SCAF11: variants seen among roughly 807,000 people sequenced by gnomAD.
The protein encoded by SCAF11 is protein SCAF11.
SCAF11 carries 47 observed loss-of-function variants against 140.5 expected under a neutral mutation model. That is an observed-to-expected ratio of 0.33 (90% CI 0.26 to 0.43). SCAF11 has a LOEUF of 0.43. Ranked by LOEUF, SCAF11 falls within the 20% of genes least tolerant of loss-of-function variation. The pLI, the probability that SCAF11 is intolerant of heterozygous loss-of-function variation, is 1.00. For missense variants in SCAF11, 1,645 were observed against 1,705.1 expected (o/e 0.96, Z 0.62); for synonymous variants, 557 against 579.4 (o/e 0.96, Z 0.55).
Position 45,926,645 on chromosome 12 carries a change from T to C in SCAF11, c.3056A>G (p.Asp1019Gly), listed in dbSNP as rs1295221957. ...DPNSADKHRNDCPNWITEKIN... is the reference protein window; with the variant it reads ...DPNSADKHRNGCPNWITEKIN... ...TTTTTCTGTTATCCAATTGGGACAG[T>C]CATTTCTATGTTTGTCAGCAGAATT... Residue 1019 changes from aspartate to glycine, a missense_variant, in exon 11 of 15, where the codon GAC becomes GGC. Coordinates refer to ENST00000369367, the MANE Select transcript of SCAF11 (RefSeq NM_004719.3). 6.2e-7 allele frequency: 1 copy of C among 1,613,860 alleles called. No individual in the cohort carries two copies. Among genetic ancestry groups the C allele is most frequent in the African/African-American group, 1.3e-5 (1 of 74,922 alleles).
At position 45,927,671 on chromosome 12, in the gene SCAF11, A is replaced by G; in HGVS notation, c.2030T>C (p.Leu677Ser). 1 of 1,612,108 alleles carries G rather than the reference A, an allele frequency of 6.2e-7. No individual in the cohort carries two copies. The highest frequency in any genetic ancestry group is 8.5e-7 in the Non-Finnish European group (1 of 1,179,922). The change falls in exon 11 of 15, where the codon TTG becomes TCG. Residue 677 changes from leucine (L) to serine (S), a missense_variant. Coordinates refer to ENST00000369367, the MANE Select transcript of SCAF11 (RefSeq NM_004719.3). The part of the protein sequence containing the change: ...LLKNNLLNTK[L>S]EKSLEEKNES... ...ATTCTTTTCTTCTAAAGATTTTTCCAATTTGGTGTTCAGAAGATTATTTTT... is the reference window on the plus strand; with the variant it reads ...ATTCTTTTCTTCTAAAGATTTTTCCGATTTGGTGTTCAGAAGATTATTTTT...
chr12:45,985,606 T>C (rs1379848586), intron 1 of SCAF11, among the ~76,000 whole-genome samples: 1 of 152,194 alleles, frequency 6.6e-6, no homozygotes, highest in Non-Finnish European at 1.5e-5. Flanking sequence ...TTCTGTAAAA[T>C]GGACTAACAC....
intron 2 of SCAF11, among the ~76,000 whole-genome samples, chr12:45,962,684 T>C (rs1050318153): frequency 2.0e-4 from 30 of 152,318 alleles, no homozygotes; most frequent in Admixed American, 2.0e-3. Flanking sequence ...TGGGCACAAC[T>C]GTCCAAACCA....
At chr12:45,972,883 T>TATATAG (rs1946115423) in intron 1 of SCAF11, among the ~76,000 whole-genome samples, 14 of 42,816 alleles carry the variant, frequency 3.3e-4, no homozygotes, top group African/African-American at 1.7e-3. Context: ...TATATATAGA[T>TATATAG]ATATATATAG....
At chr12:45,955,166 T>A (rs548617122) in intron 3 of SCAF11, 7 of 152,098 alleles carry the variant, frequency 4.6e-5, no homozygotes, top group Admixed American at 4.6e-4. Context: ...TCAGCCATCA[T>A]AATTTTTTTT....
intron 3 of SCAF11, among the ~76,000 whole-genome samples, chr12:45,954,099 C>T (rs922065448): frequency 3.3e-5 from 5 of 152,196 alleles, no homozygotes; most frequent in Non-Finnish European, 5.9e-5. Context: ...AAGAAAGTCA[C>T]GTGTTCAAGA....
At chr12:45,965,612 C>A (rs1945926887) in intron 1 of SCAF11, among the ~76,000 whole-genome samples, 2 of 152,178 alleles carry the variant, frequency 1.3e-5, no homozygotes, top group Admixed American at 6.5e-5. Flanking sequence ...CTGCACCTGG[C>A]CTTAAATCAA....
In SCAF11 at chr12:45,927,282, T is replaced by A; in HGVS notation, c.2419A>T (p.Thr807Ser). Reference sequence around the variant, plus strand: ...TGGGGCCGCTTCTTTTCTTGTGGAGTGTCTTTGTTGGGTGACCAAGTTGTA... The same window carrying A: ...TGGGGCCGCTTCTTTTCTTGTGGAGAGTCTTTGTTGGGTGACCAAGTTGTA... ...PSTTWSPNKD[T>S]PQEKKRPQSP... Residue 807 changes from threonine (T) to serine (S), a missense_variant, in exon 11 of 15, where the codon ACT becomes TCT. Around this residue, in one of 2 missense-constraint regions of SCAF11, gnomAD observed 1,582 missense variants for 1,609.2 expected, o/e 0.98. Transcript: ENST00000369367. The A allele has an allele frequency of 6.2e-7, 1 of 1,613,798 alleles. No individual in the cohort carries two copies.
chr12:45,946,372 C>T (rs1052984179), intron 5 of SCAF11, among the ~76,000 whole-genome samples: 3 of 152,148 alleles, frequency 2.0e-5, no homozygotes, highest in Admixed American at 2.0e-4. Flanking sequence ...ACATCCAAGA[C>T]TCCAAAAAAG....
At chr12:45,967,938 T>C (rs913119897) in intron 1 of SCAF11, among the ~76,000 whole-genome samples, 1 of 152,238 alleles carries the variant, frequency 6.6e-6, no homozygotes. Flanking sequence ...AAAGCTTTGC[T>C]TTGAATATCC....
At chr12:45,965,130 T>G (rs756156338) in intron 1 of SCAF11, among the ~76,000 whole-genome samples, 1 of 152,170 alleles carries the variant, frequency 6.6e-6, no homozygotes, top group Non-Finnish European at 1.5e-5. Context: ...AACCTTAGAT[T>G]CAATCTTACA....
rs1337375057 is a variant in SCAF11, at chr12:45,926,364, C to G, written c.3337G>C (p.Glu1113Gln). 1.2e-6 allele frequency: 2 copies of G among 1,614,048 alleles called. No homozygotes were observed. The highest frequency in any genetic ancestry group is 3.3e-5 in the Admixed American group (2 of 59,992). The change falls in exon 11 of 15, where the codon GAA becomes CAA. Residue 1113 changes from glutamate (E) to glutamine (Q), a missense_variant. Physicochemically the swap from Glu to Gln is conservative, Grantham distance 29. Around this residue, in one of 2 missense-constraint regions of SCAF11, gnomAD observed 1,582 missense variants for 1,609.2 expected, o/e 0.98. Coordinates refer to ENST00000369367, the MANE Select transcript of SCAF11 (RefSeq NM_004719.3). ...LSGNSNSSGS[E>Q]SFKFVEQQSY... ...TGCTGTTCCACAAACTTGAAAGATTCACTCCCTGAACTGTTTGAATTCCCT... is the reference window on the plus strand; with the variant it reads ...TGCTGTTCCACAAACTTGAAAGATTGACTCCCTGAACTGTTTGAATTCCCT...
intron 1 of SCAF11, among the ~76,000 whole-genome samples, chr12:45,976,175 A>C (rs1467089606): frequency 2.6e-5 from 4 of 152,124 alleles, no homozygotes; most frequent in Non-Finnish European, 5.9e-5. Context: ...TGGTGGTAAG[A>C]CCTCTATTTC....
chr12:45,990,453 T>C lies in SCAF11; in HGVS notation c.-122A>G. On this transcript the variant is annotated 5_prime_UTR_variant, in exon 1 of 15. Coordinates refer to ENST00000369367, the MANE Select transcript of SCAF11 (RefSeq NM_004719.3). ...AAGTTCCCCAACATGGACTCCTTCG[T>C]CCGCTTTGTGGTGTTACAGGGTCTC... 5 of 1,231,496 alleles carry C rather than the reference T, an allele frequency of 4.1e-6. No homozygotes were observed. Among genetic ancestry groups the C allele is most frequent in the Non-Finnish European group, 5.1e-6 (5 of 988,032 alleles). The allele number at this position is 1,231,496 out of a possible 1,614,324, so 76.3% of individuals were successfully genotyped here.
intron 3 of SCAF11, chr12:45,954,845 CAA>C (rs961910595): frequency 2.6e-5 from 4 of 151,230 alleles, no homozygotes; most frequent in African/African-American, 9.7e-5. Flanking sequence ...CTCAGCCTCC[CAA>C]AGTGTTGGGA....
chr12:45,988,238 T>TA (rs1214796270), intron 1 of SCAF11, among the ~76,000 whole-genome samples: 1 of 152,328 alleles, frequency 6.6e-6, no homozygotes, highest in East Asian at 1.9e-4. Flanking sequence ...AAAGGGAAGT[T>TA]ACAATGAAAA....
chr12:45,952,940 T>G (rs1317931705), intron 3 of SCAF11, among the ~76,000 whole-genome samples: 4 of 152,228 alleles, frequency 2.6e-5, no homozygotes, highest in Non-Finnish European at 2.9e-5. Context: ...CTTATACAAG[T>G]AAAAGTAGAG....
At chr12:45,969,486 T>G (rs1230622686) in intron 1 of SCAF11, among the ~76,000 whole-genome samples, 1 of 152,218 alleles carries the variant, frequency 6.6e-6, no homozygotes, top group Admixed American at 6.5e-5. Context: ...TACATCCTGG[T>G]TAATACTACA....
At chr12:45,986,015 T>C (rs773252949) in intron 1 of SCAF11, among the ~76,000 whole-genome samples, 2 of 152,180 alleles carry the variant, frequency 1.3e-5, no homozygotes, top group African/African-American at 4.8e-5. Flanking sequence ...CTTCACGGTA[T>C]TCTCTGGGAG....
Sources: allele counts gnomAD v4.1 joint callset (sites outside exome capture counted in the v4.1 genomes callset), GRCh38; gene constraint gnomAD v4.1.1; regional missense constraint gnomAD v4.1.1; transcripts MANE v1.5; gene names NCBI Gene and HGNC (gene_info 2026-07-23, HGNC 2026-07-21).